Variants in PLCH1 observed in about 807,000 individuals in gnomAD.
PLCH1 encodes phospholipase C eta 1, also known as 1-phosphatidylinositol 4,5-bisphosphate phosphodiesterase eta-1.
Under a neutral mutation model 126.7 loss-of-function variants are expected in PLCH1, and 60 were observed. The ratio of observed to expected loss-of-function variants is 0.47; its 90% CI spans 0.38 to 0.59. PLCH1 has a LOEUF of 0.59. Ranked by LOEUF, PLCH1 falls within the 20% of genes least tolerant of loss-of-function variation. PLCH1 has a pLI of 0.00. For synonymous variants in PLCH1, 719 were observed against 734.9 expected (o/e 0.98, Z 0.35); for missense variants, 1,723 against 2,040.0 (o/e 0.84, Z 2.99).
chr3:155,470,297 G>A (rs528532811), intron 21 of PLCH1, among the ~76,000 whole-genome samples: 11 of 152,308 alleles, frequency 7.2e-5, no homozygotes, highest in African/African-American at 1.9e-4. Context: ...CTTAGGAGCC[G>A]ATGCGATCAA....
intron 8 of PLCH1, among the ~76,000 whole-genome samples, chr3:155,555,722 T>C (rs1726738438): frequency 6.6e-6 from 1 of 152,144 alleles, no homozygotes; most frequent in African/African-American, 2.4e-5. Flanking sequence ...TTCTTCTTTC[T>C]TTAAAGTCAA....
chr3:155,527,593 A>C (rs1281984227), intron 10 of PLCH1, among the ~76,000 whole-genome samples: 1 of 152,194 alleles, frequency 6.6e-6, no homozygotes, highest in Non-Finnish European at 1.5e-5. Context: ...TATTTTCTTC[A>C]ACTTACAGAA....
intron 2 of PLCH1, among the ~76,000 whole-genome samples, chr3:155,684,003 T>A (rs943726007): frequency 1.3e-5 from 2 of 152,226 alleles, no homozygotes; most frequent in African/African-American, 4.8e-5. Context: ...CACTTGGACG[T>A]ACCTGATATC....
At chr3:155,636,601 A>G (rs1297124499) in intron 2 of PLCH1, among the ~76,000 whole-genome samples, 1 of 152,032 alleles carries the variant, frequency 6.6e-6, no homozygotes, top group African/African-American at 2.4e-5. Context: ...ACAAAAAAAT[A>G]GCTGGGTGTG....
At chr3:155,692,461 TG>T (rs1390136572) in intron 2 of PLCH1, among the ~76,000 whole-genome samples, 4 of 131,322 alleles carry the variant, frequency 3.0e-5, no homozygotes, top group African/African-American at 1.5e-4. Context: ...AATGAATGAA[TG>T]GATGGATGGA....
intron 6 of PLCH1, among the ~76,000 whole-genome samples, chr3:155,574,074 C>A (rs912286367): frequency 3.3e-5 from 5 of 152,088 alleles, no homozygotes; most frequent in African/African-American, 4.8e-5. Flanking sequence ...TCACCACGCC[C>A]AGATAATTTT....
chr3:155,534,851 C>T (rs2108352502), intron 10 of PLCH1, among the ~76,000 whole-genome samples: 1 of 152,260 alleles, frequency 6.6e-6, no homozygotes, highest in East Asian at 1.9e-4. Context: ...CTCCTGCCAC[C>T]TTGTGAAGAA....
intron 2 of PLCH1, among the ~76,000 whole-genome samples, chr3:155,625,281 A>G (rs1305716347): frequency 6.6e-6 from 1 of 152,240 alleles, no homozygotes; most frequent in Non-Finnish European, 1.5e-5. Flanking sequence ...ATCTAAAACC[A>G]TAAAAACGCT....
At chr3:155,474,188 G>A (rs1236911814) in intron 21 of PLCH1, among the ~76,000 whole-genome samples, 1 of 151,204 alleles carries the variant, frequency 6.6e-6, no homozygotes, top group Non-Finnish European at 1.5e-5. Flanking sequence ...CTGACAAAGG[G>A]CTAATATCCA....
At chr3:155,732,742 G>A (rs1340119700) in intron 1 of PLCH1, among the ~76,000 whole-genome samples, 1 of 151,890 alleles carries the variant, frequency 6.6e-6, no homozygotes, top group Non-Finnish European at 1.5e-5. Context: ...TCTGTGCATG[G>A]TGGTGCATGC....
chr3:155,562,198 C>T (rs543159300), intron 8 of PLCH1, among the ~76,000 whole-genome samples: 1 of 152,238 alleles, frequency 6.6e-6, no homozygotes, highest in African/African-American at 2.4e-5. Flanking sequence ...TAGCACTGAC[C>T]TCCTCCAGGC....
chr3:155,574,959 C>T (rs996493081), intron 6 of PLCH1, among the ~76,000 whole-genome samples: 1 of 151,810 alleles, frequency 6.6e-6, no homozygotes, highest in African/African-American at 2.4e-5. Flanking sequence ...GGTGAAACCC[C>T]ATCTCTACTA....
chr3:155,602,092 G>A (rs544951748), intron 2 of PLCH1, among the ~76,000 whole-genome samples: 5 of 152,148 alleles, frequency 3.3e-5, no homozygotes, highest in Non-Finnish European at 7.3e-5. Flanking sequence ...AAATTACCCT[G>A]AATAGGAGAC....
chr3:155,544,184 G>A (rs1724840665), intron 10 of PLCH1, among the ~76,000 whole-genome samples: 1 of 152,144 alleles, frequency 6.6e-6, no homozygotes, highest in African/African-American at 2.4e-5. Context: ...ATAAAAGGTT[G>A]GAGGAAGATC....
chr3:155,703,173 C>T (rs755883491), intron 2 of PLCH1, among the ~76,000 whole-genome samples: 1 of 152,158 alleles, frequency 6.6e-6, no homozygotes, highest in Non-Finnish European at 1.5e-5. Flanking sequence ...CACCAAAGTG[C>T]TTAATAAAGT....
chr3:155,551,627 T>C (rs1156529675), intron 9 of PLCH1, among the ~76,000 whole-genome samples: 2 of 137,720 alleles, frequency 1.5e-5, no homozygotes, highest in Non-Finnish European at 3.0e-5. Flanking sequence ...TGGCACATAA[T>C]GAATAGAAGC....
chr3:155,503,387 A>G (rs1327737764), intron 13 of PLCH1, among the ~76,000 whole-genome samples: 9 of 152,184 alleles, frequency 5.9e-5, no homozygotes, highest in Non-Finnish European at 1.2e-4. Flanking sequence ...ATATTATTGC[A>G]TATAGTTGTA....
At chr3:155,699,081 T>A (rs570557424) in intron 2 of PLCH1, among the ~76,000 whole-genome samples, 2 of 151,056 alleles carry the variant, frequency 1.3e-5, no homozygotes, top group East Asian at 3.9e-4. Flanking sequence ...TAATCTTTTA[T>A]CTTTTTTTTT....
chr3:155,664,343 G>T (rs995933176), intron 2 of PLCH1, among the ~76,000 whole-genome samples: 1 of 152,146 alleles, frequency 6.6e-6, no homozygotes, highest in Non-Finnish European at 1.5e-5. Context: ...CAACCCTTCG[G>T]TCAAGACTCC....
Sources: gnomAD v4.1 joint callset for allele counts (sites outside exome capture counted in the v4.1 genomes callset) on GRCh38, gnomAD v4.1.1 for gene constraint, MANE v1.5 for transcripts, NCBI Gene and HGNC (gene_info 2026-07-23, HGNC 2026-07-21) for gene names.